Variants in EIPR1 observed in about 807,000 individuals in gnomAD.
EIPR1 encodes EARP and GARP complex-interacting protein 1.
In EIPR1, 25 loss-of-function variants were observed where a neutral mutation model predicts 48.1. The ratio of observed to expected loss-of-function variants is 0.52; its 90% CI spans 0.38 to 0.73. The LOEUF (loss-of-function observed/expected upper bound fraction) is 0.73. Among genes scored for constraint, EIPR1 ranks in the 30% least tolerant of loss-of-function variants. EIPR1 has a pLI of 0.00. For synonymous variants in EIPR1, 204 were observed against 201.9 expected, an observed-to-expected ratio of 1.01 and a Z score of -0.09; for missense variants, 415 against 506.2, an observed-to-expected ratio of 0.82 and a Z score of 1.73.
At chr2:3,193,616 C>T (rs2368682) in intron 7 of EIPR1, among the ~76,000 whole-genome samples, 130,499 of 152,202 alleles carry the variant, frequency 0.86, 56,465 homozygotes, top group Middle Eastern at 0.91. Flanking sequence ...CACATTCTCC[C>T]GACAGCTGCA....
chr2:3,264,894 T>C (rs1018410882), intron 3 of EIPR1, among the ~76,000 whole-genome samples: 2 of 151,788 alleles, frequency 1.3e-5, no homozygotes, highest in Non-Finnish European at 2.9e-5. Context: ...TCCATGTTGG[T>C]CAGGCTGGTC....
chr2:3,254,294 C>T (rs1030865561), intron 4 of EIPR1, among the ~76,000 whole-genome samples: 1 of 152,200 alleles, frequency 6.6e-6, no homozygotes, highest in Non-Finnish European at 1.5e-5. Flanking sequence ...TCTGTCATGG[C>T]ATCACACGTG....
At chr2:3,314,189 C>T (rs1669215556) in intron 3 of EIPR1, among the ~76,000 whole-genome samples, 1 of 152,200 alleles carries the variant, frequency 6.6e-6, no homozygotes, top group Non-Finnish European at 1.5e-5. Flanking sequence ...CCTGACATTT[C>T]ACCTTCCTCT....
At chr2:3,305,678 C>T in intron 3 of EIPR1, among the ~76,000 whole-genome samples, 1 of 152,228 alleles carries the variant, frequency 6.6e-6, no homozygotes, top group East Asian at 1.9e-4. Flanking sequence ...AAAGGGGGAC[C>T]TGCCCGCCCT....
intron 4 of EIPR1, among the ~76,000 whole-genome samples, chr2:3,215,414 T>A (rs1665598227): frequency 6.6e-6 from 1 of 152,204 alleles, no homozygotes; most frequent in South Asian, 2.1e-4. Flanking sequence ...GTTAAGCCAT[T>A]TCCTAATGTT....
chr2:3,192,527 GC>G lies in EIPR1; in HGVS notation c.875del (p.Ser292ThrfsTer23). On this transcript the variant is annotated frameshift_variant, in exon 8 of 9. Transcript: ENST00000382125. LOFTEE classifies it high-confidence loss of function. ...HSHDQLVLTG[S>X]SDSRVILSNM... Reference sequence around the variant, plus strand: ...TGGAAAGGATGACTCTGCTGTCACTGCTGCCCGTGAGGACCAGCTGGTCATG... The same window carrying G: ...TGGAAAGGATGACTCTGCTGTCACTGTGCCCGTGAGGACCAGCTGGTCATG... 2 of 1,612,926 alleles carry G rather than the reference GC, an allele frequency of 1.2e-6. No individual in the cohort carries two copies. The highest frequency in any genetic ancestry group is 1.7e-6 in the Non-Finnish European group (2 of 1,179,834).
At chr2:3,258,840 C>A (rs986896851) in intron 3 of EIPR1, among the ~76,000 whole-genome samples, 7 of 152,088 alleles carry the variant, frequency 4.6e-5, no homozygotes, top group Non-Finnish European at 8.8e-5. Context: ...AAAAAAAACT[C>A]CATCATATAT....
intron 1 of EIPR1, among the ~76,000 whole-genome samples, chr2:3,358,491 T>C (rs2103380863): frequency 1.3e-5 from 2 of 152,316 alleles, no homozygotes; most frequent in East Asian, 3.9e-4. Context: ...AAAATATCTG[T>C]GTGAGCCAAT....
chr2:3,327,616 T>C (rs1669737387), intron 3 of EIPR1, among the ~76,000 whole-genome samples: 1 of 150,650 alleles, frequency 6.6e-6, no homozygotes, highest in Non-Finnish European at 1.5e-5. Context: ...ATTCTCTTTT[T>C]CTGTGGCAAG....
intron 4 of EIPR1, among the ~76,000 whole-genome samples, chr2:3,231,664 C>A (rs1164459457): frequency 6.6e-6 from 1 of 152,098 alleles, no homozygotes; most frequent in African/African-American, 2.4e-5. Context: ...ATTGAAGCAT[C>A]CTTGCATCTG....
chr2:3,205,386 G>A (rs1665193788), intron 5 of EIPR1, among the ~76,000 whole-genome samples: 1 of 152,228 alleles, frequency 6.6e-6, no homozygotes. Context: ...TCTCTGCACT[G>A]GAACCGTGGG....
Position 3,287,034 on chromosome 2 carries a change from C to A in EIPR1, c.260-29579G>T, listed in dbSNP as rs567318156. Among the ~76,000 whole-genome samples the A allele has an allele frequency of 2.8e-4, 42 of 150,494 alleles. 1 individual carries two copies. Among genetic ancestry groups the A allele is most frequent in the African/African-American group, 1.0e-3 (41 of 40,844 alleles). On this transcript the variant is annotated intron_variant, in intron 3 of 8. Coordinates refer to ENST00000382125, the MANE Select transcript of EIPR1 (RefSeq NM_003310.5). ...CGGTGGGGAGCACACAGAGTGCCAG[C>A]CGGCAGAGGCGGCGGTGGGGAGCAC...
chr2:3,194,219 C>A, intron 6 of EIPR1, 53 bp from the exon 7 acceptor site: 1 of 1,597,784 alleles, frequency 6.3e-7, no homozygotes, highest in Non-Finnish European at 8.6e-7. Context: ...TTAGGAAAAG[C>A]CACTGCGTGC....
intron 4 of EIPR1, among the ~76,000 whole-genome samples, chr2:3,217,317 G>A (rs1454555122): frequency 6.6e-6 from 1 of 152,206 alleles, no homozygotes; most frequent in Non-Finnish European, 1.5e-5. Flanking sequence ...GCTGTTCTTA[G>A]TCACCGCCAA....
At chr2:3,218,551 C>T (rs1020553134) in intron 4 of EIPR1, among the ~76,000 whole-genome samples, 22 of 148,702 alleles carry the variant, frequency 1.5e-4, no homozygotes, top group Non-Finnish European at 3.1e-4. Flanking sequence ...CAACACGACC[C>T]TGGTATACTC....
At chr2:3,230,283 A>G (rs1386001713) in intron 4 of EIPR1, among the ~76,000 whole-genome samples, 5 of 152,236 alleles carry the variant, frequency 3.3e-5, no homozygotes, top group Non-Finnish European at 4.4e-5. Flanking sequence ...CATGTGGAAC[A>G]CTGTAGGGAA....
At chr2:3,292,250 A>G (rs2103275330) in intron 3 of EIPR1, among the ~76,000 whole-genome samples, 1 of 152,340 alleles carries the variant, frequency 6.6e-6, no homozygotes, top group South Asian at 2.1e-4. Flanking sequence ...TAAGTGGCTG[A>G]CCCATCATTT....
chr2:3,245,835 G>A (rs1666777906), intron 4 of EIPR1, among the ~76,000 whole-genome samples: 1 of 152,240 alleles, frequency 6.6e-6, no homozygotes, highest in Non-Finnish European at 1.5e-5. Context: ...GAAGTGGGAG[G>A]ACTGCTTGCG....
intron 3 of EIPR1, among the ~76,000 whole-genome samples, chr2:3,333,579 A>T (rs72765356): frequency 0.028 from 4,331 of 151,990 alleles, 69 homozygotes; most frequent in Non-Finnish European, 0.043. Flanking sequence ...TCTACTAGAA[A>T]TTTTTTTAAA....
Sources: gnomAD v4.1 joint callset for allele counts (sites outside exome capture counted in the v4.1 genomes callset) on GRCh38, gnomAD v4.1.1 for gene constraint, MANE v1.5 for transcripts, NCBI Gene and HGNC (gene_info 2026-07-23, HGNC 2026-07-21) for gene names.